Variants in RNF144B observed in about 807,000 individuals in gnomAD.
RNF144B encodes E3 ubiquitin-protein ligase RNF144B.
A neutral mutation model predicts 40.2 loss-of-function variants in RNF144B; 25 were observed. That is an observed-to-expected ratio of 0.62 (90% CI 0.45 to 0.87). RNF144B has a LOEUF of 0.87. Among genes scored for constraint, RNF144B ranks in the 40% least tolerant of loss-of-function variants. RNF144B has a pLI of 0.00. For missense variants in RNF144B, 365 were observed against 373.7 expected (o/e 0.98, Z 0.19); for synonymous variants, 145 against 136.3 (o/e 1.06, Z -0.44).
chr6:18,454,260 C>T (rs1759279468), intron 4 of RNF144B, among the ~76,000 whole-genome samples: 1 of 152,154 alleles, frequency 6.6e-6, no homozygotes, highest in South Asian at 2.1e-4. Flanking sequence ...AGAATCATGT[C>T]ACATGTCCAA....
intron 2 of RNF144B, among the ~76,000 whole-genome samples, chr6:18,411,837 C>A (rs1397893994): frequency 1.3e-5 from 2 of 152,084 alleles, no homozygotes; most frequent in Non-Finnish European, 2.9e-5. Context: ...TACTTACGCA[C>A]ATCACTTAAT....
In RNF144B at chr6:18,468,347, A is replaced by G. The variant is rs1759617387; in HGVS notation, c.*3280A>G. ...CAAATGTTAGAATCTTAGGCATCCT[A>G]TTTGTTCATGCCATGGGTATTTGCT... On this transcript the variant is annotated 3_prime_UTR_variant, in exon 8 of 8. Coordinates refer to ENST00000259939, the MANE Select transcript of RNF144B (RefSeq NM_182757.4). 1 of 152,132 alleles carries G rather than the reference A, an allele frequency of 6.6e-6. No individual in the cohort carries two copies. 9.4% of individuals were successfully genotyped at this position (152,132 alleles called of 1,614,324 possible). A position where few individuals can be genotyped will look rare whatever the true frequency, so the allele number is the denominator to read the frequency against.
intron 3 of RNF144B, among the ~76,000 whole-genome samples, chr6:18,437,142 T>C (rs1391308865): frequency 6.6e-6 from 1 of 152,056 alleles, no homozygotes; most frequent in East Asian, 1.9e-4. Context: ...TCAACAAATA[T>C]TTAGAAAAAA....
At chr6:18,390,557 C>A (rs546162919) in intron 1 of RNF144B, among the ~76,000 whole-genome samples, 2 of 152,330 alleles carry the variant, frequency 1.3e-5, no homozygotes, top group African/African-American at 4.8e-5. Context: ...GGAGATACTT[C>A]TGATCACATG....
intron 4 of RNF144B, among the ~76,000 whole-genome samples, chr6:18,445,355 A>G (rs1263022387): frequency 6.6e-6 from 1 of 152,200 alleles, no homozygotes; most frequent in Non-Finnish European, 1.5e-5. Context: ...TCTGAAGGCA[A>G]TCATTAAGGT....
Position 18,418,385 on chromosome 6 carries a change from A to G in RNF144B, c.166-9196A>G, listed in dbSNP as rs59095600. Among the ~76,000 whole-genome samples, 6,181 of 152,356 alleles carry G rather than the reference A, an allele frequency of 0.041. 223 individuals are homozygous for G. Among genetic ancestry groups the G allele is most frequent in the Admixed American group, 0.11 (1,671 of 15,288 alleles). ...ATATTCACACAATGGCATACTATTCAGCAATAAAATAAATGAAGTACCAAT... is the reference window on the plus strand; with the variant it reads ...ATATTCACACAATGGCATACTATTCGGCAATAAAATAAATGAAGTACCAAT... On this transcript the variant is annotated intron_variant, in intron 2 of 7. Coordinates refer to ENST00000259939, the MANE Select transcript of RNF144B (RefSeq NM_182757.4). The surrounding 1 kb of genome is among the most constrained non-coding windows in gnomAD (Gnocchi z 5.2).
chr6:18,446,539 T>G lies in RNF144B; in HGVS notation c.331+6795T>G, dbSNP rs913486078. Among the ~76,000 whole-genome samples, 3 of 152,220 alleles carry G rather than the reference T, an allele frequency of 2.0e-5. No individual in the cohort carries two copies. The highest frequency in any genetic ancestry group is 4.8e-5 in the African/African-American group (2 of 41,448). ...ATGTAGGGCTGAACAAAATAGAACT[T>G]GGCTACATATGCTACCATTATCTTT... On this transcript the variant is annotated intron_variant, in intron 4 of 7. Coordinates refer to ENST00000259939, the MANE Select transcript of RNF144B (RefSeq NM_182757.4). This position sits in a 1 kb window ranked among gnomAD's most constrained non-coding sequence, Gnocchi z 4.7.
chr6:18,425,792 ATTCT>A lies in RNF144B; in HGVS notation c.166-1788_166-1785del, dbSNP rs61343917. ...GAAGACTCTTTTCATGATTCTGCAC[ATTCT>A]ATCGCATAAATTTAGCAACATTTAT... is the stretch of plus-strand genomic sequence containing the variant. On this transcript the variant is annotated intron_variant, in intron 2 of 7. Coordinates refer to ENST00000259939, the MANE Select transcript of RNF144B (RefSeq NM_182757.4). The surrounding 1 kb of genome is among the most constrained non-coding windows in gnomAD (Gnocchi z 4.2). 6.6e-6 allele frequency among the ~76,000 whole-genome samples: 1 copy of A among 152,290 alleles called. No homozygotes were observed. The highest frequency in any genetic ancestry group is 1.9e-4 in the East Asian group (1 of 5,168).
Position 18,458,469 on chromosome 6 carries a change from A to G in RNF144B, c.536+1110A>G, listed in dbSNP as rs1187278656. Among the ~76,000 whole-genome samples, 1 of 152,188 alleles carries G rather than the reference A, an allele frequency of 6.6e-6. No individual in the cohort carries two copies. The highest frequency in any genetic ancestry group is 6.5e-5 in the Admixed American group (1 of 15,268). On this transcript the variant is annotated intron_variant, in intron 5 of 7. Coordinates refer to ENST00000259939, the MANE Select transcript of RNF144B (RefSeq NM_182757.4). The surrounding 1 kb of genome is among the most constrained non-coding windows in gnomAD (Gnocchi z 4.8). ...CTTGAATCTCAGAACAAACAAATGG[A>G]GAGGAATAGAGAAGCTAATACACAT...
chr6:18,432,946 G>A (rs1038859501), intron 3 of RNF144B, among the ~76,000 whole-genome samples: 5 of 152,206 alleles, frequency 3.3e-5, no homozygotes, highest in Non-Finnish European at 5.9e-5. Context: ...GTTAGGGCAG[G>A]GCATTCTGGA....
chr6:18,463,373 G>A lies in RNF144B; in HGVS notation c.764G>A (p.Arg255Gln), dbSNP rs771730932. The change falls in exon 7 of 8, where the codon CGA becomes CAA. Residue 255 changes from arginine (R) to glutamine (Q), a missense_variant. Coordinates refer to ENST00000259939, the MANE Select transcript of RNF144B (RefSeq NM_182757.4). ...GHSRASVMWN[R>Q]TQVVGILVGL... ...TCAAGAGCATCAGTGATGTGGAACCGAACACAGGTACCCTGACCTTATAGG... is the reference window on the plus strand; with the variant it reads ...TCAAGAGCATCAGTGATGTGGAACCAAACACAGGTACCCTGACCTTATAGG... 45 of 1,599,288 alleles carry A rather than the reference G, an allele frequency of 2.8e-5. No homozygotes were observed. The highest frequency in any genetic ancestry group is 6.7e-5 in the East Asian group (3 of 44,810).
intron 1 of RNF144B, among the ~76,000 whole-genome samples, chr6:18,389,669 C>T (rs769876264): frequency 6.6e-5 from 10 of 152,224 alleles, no homozygotes; most frequent in Middle Eastern, 6.8e-3. Flanking sequence ...TCATGCTGAA[C>T]CCAGATGTTA....
chr6:18,399,996 G>T (rs1434269612), intron 2 of RNF144B, among the ~76,000 whole-genome samples: 4 of 152,136 alleles, frequency 2.6e-5, no homozygotes, highest in African/African-American at 7.2e-5. Flanking sequence ...TGCTGGCCAG[G>T]TGCGTTGCCT....
At chr6:18,429,276 C>G (rs898361008) in intron 3 of RNF144B, among the ~76,000 whole-genome samples, 11 of 151,818 alleles carry the variant, frequency 7.2e-5, no homozygotes, top group African/African-American at 2.7e-4. Context: ...ATTGGAAGCT[C>G]AATTTGTGTG....
chr6:18,387,762 C>T (rs995653982), intron 1 of RNF144B, 132 bp downstream of exon 1: 1 of 587,032 alleles, frequency 1.7e-6, no homozygotes, highest in African/African-American at 2.0e-5. Flanking sequence ...GTGCTCAAAC[C>T]ATACAGAACT....
In RNF144B at chr6:18,458,857, CATTTCCT is replaced by C. The variant is rs2113536818; in HGVS notation, c.537-749_537-743del. Among the ~76,000 whole-genome samples the C allele has an allele frequency of 6.6e-6, 1 of 152,292 alleles. No homozygotes were observed. The highest frequency in any genetic ancestry group is 1.9e-4 in the East Asian group (1 of 5,188). On this transcript the variant is annotated intron_variant, in intron 5 of 7. Transcript: ENST00000259939. This position sits in a 1 kb window ranked among gnomAD's most constrained non-coding sequence, Gnocchi z 4.8. ...CAGGAGTCAGAAAGGCTTCAATGAG[CATTTCCT>C]TTGTCATGTTGGCACTCAAAAAGTT... is the stretch of plus-strand genomic sequence containing the variant.
rs1391810998 is a variant in RNF144B, at chr6:18,458,342, A to G, written c.536+983A>G. On this transcript the variant is annotated intron_variant, in intron 5 of 7. Transcript: ENST00000259939. The surrounding 1 kb of genome is among the most constrained non-coding windows in gnomAD (Gnocchi z 4.8). ...TCGTTGTTCTGCATCAGCAAGAACA[A>G]AATACGAGTGTTGTAATCCCATTGG... is the stretch of plus-strand genomic sequence containing the variant. 3.3e-5 allele frequency among the ~76,000 whole-genome samples: 5 copies of G among 152,214 alleles called. No individual in the cohort carries two copies. Among genetic ancestry groups the G allele is most frequent in the African/African-American group, 9.6e-5 (4 of 41,456 alleles).
At chr6:18,429,607 G>A (rs1758648164) in intron 3 of RNF144B, among the ~76,000 whole-genome samples, 1 of 152,164 alleles carries the variant, frequency 6.6e-6, no homozygotes, top group South Asian at 2.1e-4. Flanking sequence ...ACCCTGTGGA[G>A]AGATATATTA....
intron 1 of RNF144B, among the ~76,000 whole-genome samples, chr6:18,391,538 T>TAATGAGAACATGGAAAGAAGGCAAGAAGA (rs1794580536): frequency 1.3e-5 from 2 of 152,226 alleles, no homozygotes; most frequent in South Asian, 4.1e-4. Flanking sequence ...CCCTGTAGGG[T>TAATGAGAACATGGAAAGAAGGCAAGAAGA]AATGAGAACA....
Sources: allele counts gnomAD v4.1 joint callset (sites outside exome capture counted in the v4.1 genomes callset), GRCh38; gene constraint gnomAD v4.1.1; non-coding constraint Gnocchi (gnomAD v3.1); transcripts MANE v1.5; gene names NCBI Gene and HGNC (gene_info 2026-07-23, HGNC 2026-07-21).